MIR2052HG: variants seen among roughly 807,000 people sequenced by gnomAD.
MIR2052HG encodes the protein MIR2052 host gene.
At chr8:74,756,110 A>G (rs1222946401) in intron 5 of MIR2052HG, among the ~76,000 whole-genome samples, 5 of 152,230 alleles carry the variant, frequency 3.3e-5, no homozygotes, top group Admixed American at 6.5e-5. Context: ...ATAATTTGCT[A>G]GAATGGCTTA....
chr8:74,616,298 C>T (rs1488044440), intron 2 of MIR2052HG, among the ~76,000 whole-genome samples: 61 of 151,222 alleles, frequency 4.0e-4, no homozygotes, highest in Non-Finnish European at 4.7e-4. Context: ...TTTTAATGAT[C>T]GCCATTCTAA....
intron 4 of MIR2052HG, among the ~76,000 whole-genome samples, chr8:74,723,875 A>G (rs1016390560): frequency 6.6e-6 from 1 of 152,212 alleles, no homozygotes; most frequent in African/African-American, 2.4e-5. Context: ...CTCATGAGAA[A>G]TCTTATTTCT....
At chr8:74,696,247 T>C (rs1012079360) in intron 2 of MIR2052HG, among the ~76,000 whole-genome samples, 1 of 151,888 alleles carries the variant, frequency 6.6e-6, no homozygotes, top group Non-Finnish European at 1.5e-5. Flanking sequence ...AAATTCAAGA[T>C]CAAAATTAAA....
intron 4 of MIR2052HG, among the ~76,000 whole-genome samples, chr8:74,710,789 A>C (rs926294799): frequency 6.6e-6 from 1 of 152,264 alleles, no homozygotes; most frequent in African/African-American, 2.4e-5. Flanking sequence ...ACCAGATTTC[A>C]TTTACTTAGG....
intron 2 of MIR2052HG, among the ~76,000 whole-genome samples, chr8:74,684,370 C>T (rs1420632608): frequency 6.6e-6 from 1 of 151,992 alleles, no homozygotes; most frequent in Non-Finnish European, 1.5e-5. Flanking sequence ...ATATGTATGG[C>T]CTTTACTTTA....
chr8:74,686,235 C>T (rs1450527581), intron 2 of MIR2052HG, among the ~76,000 whole-genome samples: 1 of 151,786 alleles, frequency 6.6e-6, no homozygotes, highest in African/African-American at 2.4e-5. Context: ...ATCCCTTTAA[C>T]TTTTTATTTC....
intron 2 of MIR2052HG, among the ~76,000 whole-genome samples, chr8:74,701,505 G>T (rs1052792051): frequency 6.6e-6 from 1 of 152,030 alleles, no homozygotes; most frequent in South Asian, 2.1e-4. Context: ...GTAGAGTCCA[G>T]TGGCTCCATA....
intron 4 of MIR2052HG, among the ~76,000 whole-genome samples, chr8:74,741,933 C>T (rs921180077): frequency 6.6e-6 from 1 of 152,186 alleles, no homozygotes; most frequent in Admixed American, 6.5e-5. Context: ...TGTTCAGCCT[C>T]AGCCAGGAAT....
chr8:74,667,254 A>G (rs992882637), intron 2 of MIR2052HG, among the ~76,000 whole-genome samples: 1 of 152,144 alleles, frequency 6.6e-6, no homozygotes, highest in Non-Finnish European at 1.5e-5. Flanking sequence ...GGCTGTCACT[A>G]TAGGTACAAG....
intron 4 of MIR2052HG, among the ~76,000 whole-genome samples, chr8:74,739,245 T>C (rs1809802232): frequency 1.3e-5 from 2 of 152,354 alleles, no homozygotes; most frequent in Admixed American, 1.3e-4. Context: ...CTTCCTTTTG[T>C]TGGCATCAGT....
chr8:74,725,339 G>A (rs138473237), intron 4 of MIR2052HG, among the ~76,000 whole-genome samples: 19 of 152,244 alleles, frequency 1.2e-4, no homozygotes, highest in Admixed American at 2.6e-4. Context: ...GAGTCAGGTG[G>A]GCTCGTTCCT....
At chr8:74,604,150 T>C in intron 1 of MIR2052HG, 1 of 891,188 alleles carries the variant, frequency 1.1e-6, no homozygotes. Flanking sequence ...TGATTCTCCT[T>C]TCTTTCCGAT....
At chr8:74,719,242 A>G (rs1209182751) in intron 4 of MIR2052HG, among the ~76,000 whole-genome samples, 1 of 152,168 alleles carries the variant, frequency 6.6e-6, no homozygotes, top group Non-Finnish European at 1.5e-5. Context: ...ATGACCCACA[A>G]ATTAAAATAC....
intron 2 of MIR2052HG, among the ~76,000 whole-genome samples, chr8:74,679,517 TTTACTA>T (rs1563530198): frequency 1.6e-5 from 2 of 127,420 alleles, no homozygotes; most frequent in African/African-American, 6.0e-5. Context: ...ATTTGGCTTG[TTTACTA>T]TTATTATTAT....
chr8:74,603,700 G>A (rs1192976344), intron 1 of MIR2052HG: 1 of 945,116 alleles, frequency 1.1e-6, no homozygotes, highest in Non-Finnish European at 1.8e-6. Context: ...AGAGCTGGAA[G>A]GCTTGAGCTG....
At chr8:74,706,927 C>A (rs531732045) in intron 4 of MIR2052HG, among the ~76,000 whole-genome samples, 1 of 151,986 alleles carries the variant, frequency 6.6e-6, no homozygotes, top group East Asian at 1.9e-4. Flanking sequence ...ACGGGTGAGG[C>A]GTGCCCATTT....
intron 2 of MIR2052HG, among the ~76,000 whole-genome samples, chr8:74,659,653 C>T (rs1808841038): frequency 6.6e-6 from 1 of 152,046 alleles, no homozygotes; most frequent in Admixed American, 6.6e-5. Context: ...ACTATGTTGC[C>T]CAGGCTGGTC....
In MIR2052HG at chr8:74,624,617, A is replaced by T. The variant is rs142215514; in HGVS notation, n.216+11677A>T. ...ATGTATTGAAAAGCAGTATTTATCC[A>T]TTGACAAAAATGCTTGTAAATGCAT... is the stretch of plus-strand genomic sequence containing the variant. On this transcript the variant is annotated intron_variant and non_coding_transcript_variant, in intron 2 of 6. Transcript: ENST00000523442. Among the ~76,000 whole-genome samples, 799 of 152,334 alleles carry T rather than the reference A, an allele frequency of 5.2e-3. 11 individuals carry two copies. Among genetic ancestry groups the T allele is most frequent in the African/African-American group, 0.018 (742 of 41,578 alleles).
At chr8:74,748,633 A>T (rs1381357913) in intron 4 of MIR2052HG, among the ~76,000 whole-genome samples, 1 of 152,206 alleles carries the variant, frequency 6.6e-6, no homozygotes, top group East Asian at 1.9e-4. Flanking sequence ...CATGGAGCTT[A>T]TGAACAAGTG....
Sources: allele counts gnomAD v4.1 joint callset (sites outside exome capture counted in the v4.1 genomes callset), GRCh38; gene constraint gnomAD v4.1.1; transcripts MANE v1.5; gene names NCBI Gene and HGNC (gene_info 2026-07-23, HGNC 2026-07-21).